SORCS3: variants seen among roughly 807,000 people sequenced by gnomAD.
SORCS3 encodes the protein sortilin related VPS10 domain containing receptor 3.
A neutral mutation model predicts 146.3 loss-of-function variants in SORCS3; 57 were observed. That is an observed-to-expected ratio of 0.39 (90% CI 0.31 to 0.49). SORCS3 has a LOEUF of 0.49. SORCS3 is among the 20% of genes least tolerant of loss of function. The probability of loss-of-function intolerance (pLI) is 0.92; values close to 1 mark genes in which losing one functional copy is unlikely to be tolerated. For missense variants in SORCS3, 1,341 were observed against 1,575.5 expected (o/e 0.85, Z 2.52); for synonymous variants, 653 against 618.5 (o/e 1.06, Z -0.83).
chr10:104,827,682 A>G (rs2133534097), intron 1 of SORCS3, among the ~76,000 whole-genome samples: 1 of 152,240 alleles, frequency 6.6e-6, no homozygotes, highest in East Asian at 1.9e-4. Context: ...TGAAGCTTTG[A>G]AGCCAGGCAT....
chr10:104,789,845 G>T (rs1212214064), intron 1 of SORCS3, among the ~76,000 whole-genome samples: 1 of 152,182 alleles, frequency 6.6e-6, no homozygotes, highest in Non-Finnish European at 1.5e-5. Context: ...GTGTGATCCT[G>T]GGGGCACTGT....
In SORCS3 at chr10:105,200,134, T is replaced by G. The variant is rs1450515758; in HGVS notation, c.2127+18T>G. ...TCAATCAGGTACACACCCCAGGGAG[T>G]TGGAGTGCTGGCTTTGAGGAGGAGG... On this transcript the variant is annotated intron_variant, in intron 15 of 26. Coordinates refer to ENST00000369701, the MANE Select transcript of SORCS3 (RefSeq NM_014978.3). 6.3e-7 allele frequency: 1 copy of G among 1,592,478 alleles called. No homozygotes were observed. Among genetic ancestry groups the G allele is most frequent in the South Asian group, 1.1e-5 (1 of 90,376 alleles).
intron 2 of SORCS3, among the ~76,000 whole-genome samples, chr10:104,847,331 G>A (rs937874006): frequency 2.0e-5 from 3 of 152,154 alleles, no homozygotes; most frequent in African/African-American, 7.2e-5. Flanking sequence ...TTGGCAGATC[G>A]TTTCTTGGAC....
chr10:104,908,251 A>G lies in SORCS3; in HGVS notation c.696-7582A>G, dbSNP rs531206147. 2.6e-5 allele frequency among the ~76,000 whole-genome samples: 4 copies of G among 152,358 alleles called. No individual in the cohort carries two copies. The South Asian group carries it at 8.3e-4, about 32-fold the overall frequency. On this transcript the variant is annotated intron_variant, in intron 2 of 26. Transcript: ENST00000369701. ...TTGATTCTCCAGGCAACTGGGTCTTATCATACACTTATGGTGACAATTGGA... is the reference window on the plus strand; with the variant it reads ...TTGATTCTCCAGGCAACTGGGTCTTGTCATACACTTATGGTGACAATTGGA...
chr10:104,666,771 AT>A (rs553712696), intron 1 of SORCS3, among the ~76,000 whole-genome samples: 8 of 151,126 alleles, frequency 5.3e-5, no homozygotes, highest in South Asian at 2.1e-4. Flanking sequence ...ATACCCAACT[AT>A]TTTTTTTTAT....
rs375412185 is a variant in SORCS3 at position 105,245,672 on chromosome 10, C to G, written c.2992+7C>G. 35 of 1,613,578 alleles carry G rather than the reference C, an allele frequency of 2.2e-5. No individual in the cohort carries two copies. The highest frequency in any genetic ancestry group is 3.0e-5 in the Non-Finnish European group (35 of 1,179,838). ...AAAGAGATTGCAGTTCATGGTAAGC[C>G]CTGAAAATTGTTCTGTGATGCTCCT... On this transcript the variant is annotated splice_region_variant and intron_variant, in intron 21 of 26. Coordinates refer to ENST00000369701, the MANE Select transcript of SORCS3 (RefSeq NM_014978.3).
At chr10:104,763,312 A>T (rs1271745277) in intron 1 of SORCS3, among the ~76,000 whole-genome samples, 2 of 152,224 alleles carry the variant, frequency 1.3e-5, no homozygotes, top group African/African-American at 4.8e-5. Flanking sequence ...CCCAATCAAC[A>T]CTTGTTGATT....
rs143803765 is a variant in SORCS3 at position 105,211,230 on chromosome 10, A to G, written c.2355A>G (p.Gln785=). 5.7e-5 allele frequency: 92 copies of G among 1,613,822 alleles called. No homozygotes were observed. Among genetic ancestry groups the G allele is most frequent in the Admixed American group, 3.3e-5 (2 of 59,996 alleles). The change falls in exon 17 of 27, where the codon CAA becomes CAG. Residue 785 remains glutamine, a synonymous_variant. Coordinates refer to ENST00000369701, the MANE Select transcript of SORCS3 (RefSeq NM_014978.3). ...CATCAAAGGACTGCAGCCTTGGTCAAAGCTACCTTAACAGCACTGGGTAAG... is the reference window on the plus strand; with the variant it reads ...CATCAAAGGACTGCAGCCTTGGTCAGAGCTACCTTAACAGCACTGGGTAAG... ...ASPSKDCSLG[Q]SYLNSTGYRR...
intron 25 of SORCS3, 83 bp downstream of exon 25, chr10:105,257,007 A>G: frequency 6.3e-6 from 6 of 945,424 alleles, no homozygotes; most frequent in Non-Finnish European, 1.0e-5. Context: ...TACTAAACTC[A>G]TCGCAAGAAT....
intron 1 of SORCS3, among the ~76,000 whole-genome samples, chr10:104,751,924 C>CATACATATATAT (rs1554848908): frequency 1.8e-4 from 7 of 38,446 alleles, no homozygotes; most frequent in South Asian, 2.2e-3. Flanking sequence ...TAATAGGAAG[C>CATACATATATAT]ATATATATAT....
At chr10:104,940,256 A>C in intron 3 of SORCS3, among the ~76,000 whole-genome samples, 1 of 58,496 alleles carries the variant, frequency 1.7e-5, no homozygotes, top group African/African-American at 4.5e-5. Flanking sequence ...TTTTTTTTTT[A>C]TTATACTTTA....
At chr10:104,897,599 C>A (rs1265587433) in intron 2 of SORCS3, among the ~76,000 whole-genome samples, 1 of 152,200 alleles carries the variant, frequency 6.6e-6, no homozygotes, top group Non-Finnish European at 1.5e-5. Context: ...TTTGTTGGTA[C>A]GATTCCCCTG....
chr10:105,082,761 C>T (rs537631915), intron 5 of SORCS3, among the ~76,000 whole-genome samples: 1 of 152,242 alleles, frequency 6.6e-6, no homozygotes, highest in African/African-American at 2.4e-5. Context: ...GACAGAGTCT[C>T]ACCCTGTCAC....
chr10:105,079,766 C>A (rs893740942), intron 5 of SORCS3, among the ~76,000 whole-genome samples: 3 of 152,068 alleles, frequency 2.0e-5, no homozygotes, highest in Non-Finnish European at 4.4e-5. Context: ...TTGTTCCCCT[C>A]TTTGTGTCAT....
chr10:105,253,981 G>A (rs1302690401), intron 23 of SORCS3, among the ~76,000 whole-genome samples: 1 of 152,240 alleles, frequency 6.6e-6, no homozygotes, highest in Admixed American at 6.5e-5. Context: ...TAATTACAGT[G>A]ATGAATAGCA....
At chr10:104,797,151 C>A (rs570304683) in intron 1 of SORCS3, among the ~76,000 whole-genome samples, 1 of 152,266 alleles carries the variant, frequency 6.6e-6, no homozygotes, top group East Asian at 1.9e-4. Flanking sequence ...TGACATTTCC[C>A]ATTTTTTTCC....
intron 20 of SORCS3, among the ~76,000 whole-genome samples, chr10:105,239,493 CTAAA>C (rs2056810967): frequency 6.6e-6 from 1 of 152,162 alleles, no homozygotes; most frequent in Non-Finnish European, 1.5e-5. Flanking sequence ...AATCTCATAA[CTAAA>C]TAGTCACACA....
intron 1 of SORCS3, among the ~76,000 whole-genome samples, chr10:104,660,096 T>A (rs1443602896): frequency 6.6e-6 from 1 of 152,152 alleles, no homozygotes; most frequent in Non-Finnish European, 1.5e-5. Flanking sequence ...AAATTTCCTT[T>A]AAAGGAGCTG....
intron 6 of SORCS3, among the ~76,000 whole-genome samples, chr10:105,091,777 A>G (rs1460744959): frequency 6.6e-6 from 1 of 152,176 alleles, no homozygotes; most frequent in East Asian, 1.9e-4. Flanking sequence ...ATGGCTGAGA[A>G]AGAAACTGGG....
Sources: gnomAD v4.1 joint callset for allele counts (sites outside exome capture counted in the v4.1 genomes callset) on GRCh38, gnomAD v4.1.1 for gene constraint, MANE v1.5 for transcripts, NCBI Gene and HGNC (gene_info 2026-07-23, HGNC 2026-07-21) for gene names.